The following PHF21A variants were observed in gnomAD, a reference collection of about 807,000 sequenced individuals.
PHF21A encodes the protein BHC80a.
Under a neutral mutation model 82.5 loss-of-function variants are expected in PHF21A, and 11 were observed. The observed-to-expected ratio is 0.13, with a 90% CI of 0.08 to 0.22. PHF21A has a LOEUF of 0.22. Ranked by LOEUF, PHF21A falls within the 10% of genes least tolerant of loss-of-function variation. The pLI, the probability that PHF21A is intolerant of heterozygous loss-of-function variation, is 1.00. For synonymous variants in PHF21A, 297 were observed against 302.8 expected (o/e 0.98, Z 0.20); for missense variants, 579 against 837.8 (o/e 0.69, Z 3.81).
In PHF21A at chr11:45,953,539, C is replaced by T; in HGVS notation, c.1083G>A (p.Glu361=). The change falls in exon 11 of 19, where the codon GAG becomes GAA. Residue 361 remains glutamate (E), a synonymous_variant. Coordinates refer to ENST00000676320, the MANE Select transcript of PHF21A (RefSeq NM_001352027.3). ...TPPAAPKPKR[E]ENPQKLAFMV... ...AACATAGGCCTACCTGAGGGTTCTC[C>T]TCCCGTTTTGGTTTGGGTGCAGCAG... 1 of 1,611,558 alleles carries T rather than the reference C, an allele frequency of 6.2e-7. No homozygotes were observed. Among genetic ancestry groups the T allele is most frequent in the Non-Finnish European group, 8.5e-7 (1 of 1,177,718 alleles).
At chr11:45,981,928 CTT>C (rs1480057219) in intron 6 of PHF21A, among the ~76,000 whole-genome samples, 1 of 99,512 alleles carries the variant, frequency 1.0e-5, no homozygotes, top group Non-Finnish European at 2.2e-5. Context: ...TTGTTTCTCT[CTT>C]TTTGTTTTTC....
At chr11:46,041,718 A>G (rs973600951) in intron 6 of PHF21A, among the ~76,000 whole-genome samples, 6 of 152,216 alleles carry the variant, frequency 3.9e-5, no homozygotes, top group African/African-American at 1.4e-4. Flanking sequence ...TCAAACATAC[A>G]TAAAAGTTCA....
chr11:46,000,061 A>G (rs1302245825), intron 6 of PHF21A, among the ~76,000 whole-genome samples: 1 of 152,214 alleles, frequency 6.6e-6, no homozygotes, highest in African/African-American at 2.4e-5. Context: ...TCGATTGACT[A>G]GAGAGCTGAG....
At chr11:46,075,303 T>G (rs765184268) in intron 6 of PHF21A, among the ~76,000 whole-genome samples, 6 of 152,200 alleles carry the variant, frequency 3.9e-5, no homozygotes, top group Non-Finnish European at 8.8e-5. Flanking sequence ...TATCTTAACT[T>G]TGCAACAGCA....
rs748023209 is a variant in PHF21A at position 46,076,847 on chromosome 11, GAA to G, written c.88-30_88-29del. ...GATTGGAAAGAAAAAATATCTGTGA[GAA>G]AGATATTTCATTTGTTAACAGAATA... On this transcript the variant is annotated intron_variant, in intron 5 of 18. Coordinates refer to ENST00000676320, the MANE Select transcript of PHF21A (RefSeq NM_001352027.3). 43 of 1,547,080 alleles carry G rather than the reference GAA, an allele frequency of 2.8e-5. No individual in the cohort carries two copies. In the African/African-American group the frequency reaches 5.6e-4, roughly 20 times the overall value.
chr11:46,083,422 A>C (rs1186714784), intron 4 of PHF21A: 26 of 152,240 alleles, frequency 1.7e-4, no homozygotes, highest in Admixed American at 1.7e-3. Flanking sequence ...TACTCAGATA[A>C]ACAAAGGAAA....
At chr11:46,115,871 T>A (rs950105) in intron 1 of PHF21A, among the ~76,000 whole-genome samples, 70,611 of 152,048 alleles carry the variant, frequency 0.46, 18,911 homozygotes, top group Non-Finnish European at 0.6. Context: ...CTTCAGTATG[T>A]CTTCACAGAA....
At chr11:45,958,419 A>AAAAAAAAAAAAATAG (rs1157956363) in intron 10 of PHF21A, among the ~76,000 whole-genome samples, 1 of 25,028 alleles carries the variant, frequency 4.0e-5, no homozygotes, top group African/African-American at 1.1e-4. Context: ...AAAAAAAAAA[A>AAAAAAAAAAAAATAG]ATATATATAT....
chr11:46,055,747 C>G (rs1323585385), intron 6 of PHF21A, among the ~76,000 whole-genome samples: 1 of 152,090 alleles, frequency 6.6e-6, no homozygotes, highest in East Asian at 1.9e-4. Context: ...CCCTGATTTA[C>G]CTTTAAGGCA....
chr11:46,031,645 C>A (rs889004458), intron 6 of PHF21A, among the ~76,000 whole-genome samples: 1 of 152,254 alleles, frequency 6.6e-6, no homozygotes, highest in African/African-American at 2.4e-5. Flanking sequence ...TTAGTGGATT[C>A]TTTTCTCTTT....
rs1156256559 is a variant in PHF21A at position 45,933,902 on chromosome 11, C to G, written c.*66G>C. On this transcript the variant is annotated 3_prime_UTR_variant, in exon 19 of 19. Coordinates refer to ENST00000676320, the MANE Select transcript of PHF21A (RefSeq NM_001352027.3). ...TTTCCAGAAATCCGGCTTTGCTTTT[C>G]TAGAGTCTTCAGTGTTCTGTTCTCC... 1 of 1,423,956 alleles carries G rather than the reference C, an allele frequency of 7.0e-7. No individual in the cohort carries two copies. The highest frequency in any genetic ancestry group is 1.4e-5 in the African/African-American group (1 of 69,170). The allele number at this position is 1,423,956 out of a possible 1,614,324, so 88.2% of individuals were successfully genotyped here. A position where few individuals can be genotyped will look rare whatever the true frequency, so the allele number is the denominator to read the frequency against.
At chr11:46,106,364 A>G (rs746812359) in intron 1 of PHF21A, among the ~76,000 whole-genome samples, 2 of 152,196 alleles carry the variant, frequency 1.3e-5, no homozygotes, top group East Asian at 3.8e-4. Flanking sequence ...TAATTACAAT[A>G]TGTTTTGCAT....
intron 6 of PHF21A, among the ~76,000 whole-genome samples, chr11:45,985,947 A>G (rs1565409069): frequency 1.3e-5 from 2 of 152,096 alleles, no homozygotes; most frequent in African/African-American, 4.8e-5. Flanking sequence ...ATTATCAGAG[A>G]TTTTTTTCAG....
chr11:46,043,875 C>T (rs2096206136), intron 6 of PHF21A, among the ~76,000 whole-genome samples: 1 of 152,150 alleles, frequency 6.6e-6, no homozygotes, highest in Non-Finnish European at 1.5e-5. Context: ...TGAAGTTCCA[C>T]ATTTGGATGT....
chr11:45,952,659 T>C (rs2092272467), intron 11 of PHF21A, among the ~76,000 whole-genome samples: 1 of 152,216 alleles, frequency 6.6e-6, no homozygotes, highest in Non-Finnish European at 1.5e-5. Flanking sequence ...AGAATTACAT[T>C]TCGTACTTGT....
intron 6 of PHF21A, among the ~76,000 whole-genome samples, chr11:46,040,088 G>C (rs1023128981): frequency 1.3e-5 from 2 of 152,190 alleles, no homozygotes; most frequent in Non-Finnish European, 2.9e-5. Context: ...GCTGGCTTCT[G>C]AGTATGAACT....
At chr11:45,998,219 A>G (rs968014197) in intron 6 of PHF21A, among the ~76,000 whole-genome samples, 1 of 152,200 alleles carries the variant, frequency 6.6e-6, no homozygotes, top group Non-Finnish European at 1.5e-5. Context: ...ACAAATTTAA[A>G]GCAGTTTAGA....
intron 6 of PHF21A, among the ~76,000 whole-genome samples, chr11:46,021,062 A>T (rs2095620112): frequency 1.5e-5 from 2 of 137,392 alleles, no homozygotes; most frequent in African/African-American, 5.6e-5. Flanking sequence ...TAGATTCTTT[A>T]AAAAAAAAAA....
chr11:46,076,448 C>T (rs570456532), intron 6 of PHF21A, among the ~76,000 whole-genome samples: 1 of 152,322 alleles, frequency 6.6e-6, no homozygotes, highest in South Asian at 2.1e-4. Flanking sequence ...ATCACCTATT[C>T]TCACTAACTG....
Sources: allele counts gnomAD v4.1 joint callset (sites outside exome capture counted in the v4.1 genomes callset), GRCh38; gene constraint gnomAD v4.1.1; transcripts MANE v1.5; gene names NCBI Gene and HGNC (gene_info 2026-07-23, HGNC 2026-07-21).